Variants in DYRK1A observed in about 807,000 individuals in gnomAD.
DYRK1A encodes dual specificity tyrosine phosphorylation regulated kinase 1A.
DYRK1A carries 9 observed loss-of-function variants against 79.7 expected under a neutral mutation model. That is an observed-to-expected ratio of 0.11 (90% CI 0.07 to 0.20). The LOEUF is 0.20. DYRK1A is among the 10% of genes least tolerant of loss of function. The pLI is 1.00. For synonymous variants in DYRK1A, 349 were observed against 329.7 expected (o/e 1.06, Z -0.63); for missense variants, 622 against 956.0 (o/e 0.65, Z 4.61).
At chr21:37,467,195 C>T (rs2052059381) in intron 2 of DYRK1A, among the ~76,000 whole-genome samples, 1 of 151,820 alleles carries the variant, frequency 6.6e-6, no homozygotes, top group Non-Finnish European at 1.5e-5. Context: ...ATCTACCACA[C>T]ACGCATAAAA....
At chr21:37,483,247 A>G (rs2052721372) in intron 5 of DYRK1A, among the ~76,000 whole-genome samples, 1 of 152,224 alleles carries the variant, frequency 6.6e-6, no homozygotes, top group Non-Finnish European at 1.5e-5. Context: ...ATAAATGTCC[A>G]TGAAATCTTC....
intron 2 of DYRK1A, among the ~76,000 whole-genome samples, chr21:37,465,885 C>G (rs748920198): frequency 6.6e-6 from 1 of 152,074 alleles, no homozygotes; most frequent in Non-Finnish European, 1.5e-5. Flanking sequence ...GAATCAGAAC[C>G]GTCATTTTTA....
chr21:37,440,357 G>A (rs541396726), intron 2 of DYRK1A, among the ~76,000 whole-genome samples: 97 of 151,566 alleles, frequency 6.4e-4, no homozygotes, highest in African/African-American at 1.9e-3. Context: ...GGCTGGTCTC[G>A]AACTCCTGAC....
intron 9 of DYRK1A, chr21:37,503,623 A>C (rs1039063935): frequency 6.6e-6 from 1 of 152,288 alleles, no homozygotes; most frequent in South Asian, 2.1e-4. Flanking sequence ...GGGTCTGGCT[A>C]TGTTGCCTTG....
At chr21:37,422,694 A>G (rs1284725166) in intron 2 of DYRK1A, among the ~76,000 whole-genome samples, 2 of 152,096 alleles carry the variant, frequency 1.3e-5, no homozygotes, top group Admixed American at 1.3e-4. Context: ...GAATATGTTA[A>G]TTGGCTTGAT....
rs900852643 is a variant in DYRK1A, at chr21:37,381,681, G to A, written c.-77+14053G>A. 9.2e-5 allele frequency among the ~76,000 whole-genome samples: 14 copies of A among 152,150 alleles called. No individual in the cohort carries two copies. The East Asian group carries it at 1.4e-3, about 15-fold the overall frequency. On this transcript the variant is annotated intron_variant, in intron 1 of 11. Coordinates refer to ENST00000647188, the MANE Select transcript of DYRK1A (RefSeq NM_001347721.2). ...GTGGTGGTCCGCAGTCCAGCTACTCGGGAGCCTGAGGCAGGAGGATCGCTT... is the reference window on the plus strand; with the variant it reads ...GTGGTGGTCCGCAGTCCAGCTACTCAGGAGCCTGAGGCAGGAGGATCGCTT...
At chr21:37,463,099 A>G (rs1175618602) in intron 2 of DYRK1A, among the ~76,000 whole-genome samples, 1 of 152,054 alleles carries the variant, frequency 6.6e-6, no homozygotes, top group Non-Finnish European at 1.5e-5. Flanking sequence ...TACGTCTTAT[A>G]TGAGCAATTT....
chr21:37,372,455 A>G (rs2049452240), intron 1 of DYRK1A, among the ~76,000 whole-genome samples: 1 of 151,886 alleles, frequency 6.6e-6, no homozygotes, highest in South Asian at 2.1e-4. Context: ...TCTCAAAAAA[A>G]AAAAAAAAGG....
chr21:37,516,763 G>C lies in DYRK1A; in HGVS notation c.*4232G>C, dbSNP rs994064284. Reference sequence around the variant, plus strand: ...TTGGCTGCTCTCAGTGGGTGTTCTTGCATCAGAACTTTAAAAAAAATAACA... The same window carrying C: ...TTGGCTGCTCTCAGTGGGTGTTCTTCCATCAGAACTTTAAAAAAAATAACA... On this transcript the variant is annotated 3_prime_UTR_variant, in exon 12 of 12. Coordinates refer to ENST00000647188, the MANE Select transcript of DYRK1A (RefSeq NM_001347721.2). 20 of 152,098 alleles carry C rather than the reference G, an allele frequency of 1.3e-4. No individual in the cohort carries two copies. Among genetic ancestry groups the C allele is most frequent in the African/African-American group, 4.8e-4 (20 of 41,412 alleles). 9.4% of individuals were successfully genotyped at this position (152,098 alleles called of 1,614,324 possible).
intron 9 of DYRK1A, chr21:37,503,768 C>T (rs1460802329): frequency 6.6e-6 from 1 of 152,168 alleles, no homozygotes; most frequent in Non-Finnish European, 1.5e-5. Context: ...TGAAATTCTA[C>T]ATCTATTCAT....
At chr21:37,505,132 T>C in intron 9 of DYRK1A, 151 bp from the exon 10 acceptor site, 1 of 639,430 alleles carries the variant, frequency 1.6e-6, no homozygotes, top group Non-Finnish European at 2.7e-6. Flanking sequence ...TTTGGGATAG[T>C]AATGTGTGAA....
intron 1 of DYRK1A, among the ~76,000 whole-genome samples, chr21:37,413,417 T>C (rs919670723): frequency 2.0e-5 from 3 of 152,142 alleles, no homozygotes; most frequent in Admixed American, 6.6e-5. Context: ...ATATAAATTA[T>C]ATATGTGTGT....
chr21:37,488,637 T>G, intron 6 of DYRK1A: 1 of 985,390 alleles, frequency 1.0e-6, no homozygotes. Context: ...TCTTTGACAA[T>G]GTCTTTAGTG....
At chr21:37,419,129 G>T (rs1485127810) in intron 1 of DYRK1A, 1 of 152,080 alleles carries the variant, frequency 6.6e-6, no homozygotes, top group Admixed American at 6.6e-5. Context: ...GATTTATTTG[G>T]GCAAACTATA....
At chr21:37,488,903 T>C in intron 6 of DYRK1A, 1 of 972,700 alleles carries the variant, frequency 1.0e-6, no homozygotes, top group Non-Finnish European at 1.2e-6. Context: ...ACCTATAAAC[T>C]GAAGTGACTA....
At chr21:37,387,034 C>T (rs1281552210) in intron 1 of DYRK1A, among the ~76,000 whole-genome samples, 1 of 152,062 alleles carries the variant, frequency 6.6e-6, no homozygotes, top group African/African-American at 2.4e-5. Flanking sequence ...TCTAAATGGA[C>T]GTGGGTCCCT....
In DYRK1A at chr21:37,438,448, T is replaced by G. The variant is rs182812407; in HGVS notation, c.10+18064T>G. On this transcript the variant is annotated intron_variant, in intron 2 of 11. Transcript: ENST00000647188. ...TTTTTCCCCACTAGATTTTACAGTTTTAGGTTTTATATTTAAGTCTGTGGT... is the reference window on the plus strand; with the variant it reads ...TTTTTCCCCACTAGATTTTACAGTTGTAGGTTTTATATTTAAGTCTGTGGT... Among the ~76,000 whole-genome samples the G allele has an allele frequency of 7.7e-4, 117 of 152,318 alleles. 2 individuals carry two copies. Among genetic ancestry groups the G allele is most frequent in the Admixed American group, 7.3e-3 (111 of 15,298 alleles).
intron 8 of DYRK1A, among the ~76,000 whole-genome samples, chr21:37,494,564 C>T (rs987313178): frequency 5.9e-5 from 9 of 152,016 alleles, no homozygotes; most frequent in East Asian, 5.8e-4. Flanking sequence ...GTCACATTCT[C>T]GGTGAAACCA....
chr21:37,372,597 C>T (rs2049455186), intron 1 of DYRK1A, among the ~76,000 whole-genome samples: 1 of 152,148 alleles, frequency 6.6e-6, no homozygotes, highest in African/African-American at 2.4e-5. Flanking sequence ...TGATCTGAGT[C>T]TCAACAGGTT....
Sources: allele counts gnomAD v4.1 joint callset (sites outside exome capture counted in the v4.1 genomes callset), GRCh38; gene constraint gnomAD v4.1.1; transcripts MANE v1.5; gene names NCBI Gene and HGNC (gene_info 2026-07-23, HGNC 2026-07-21).